Variants in EBF2 observed in about 807,000 individuals in gnomAD.
EBF2 encodes the protein transcription factor COE2.
In EBF2, 21 loss-of-function variants were observed where a neutral mutation model predicts 72.8. The observed-to-expected ratio is 0.29, with a 90% CI of 0.20 to 0.42. EBF2 has a LOEUF of 0.42. Ranked by LOEUF, EBF2 falls within the 10% of genes least tolerant of loss-of-function variation. EBF2 has a pLI of 1.00. For synonymous variants in EBF2, 299 were observed against 274.2 expected (o/e 1.09, Z -0.89); for missense variants, 637 against 731.2 (o/e 0.87, Z 1.49).
At chr8:26,032,231 T>C (rs1805420340) in intron 6 of EBF2, 1 of 152,202 alleles carries the variant, frequency 6.6e-6, no homozygotes, top group Non-Finnish European at 1.5e-5. Context: ...GAAACCAAGC[T>C]GGCTTTCTGG....
At chr8:25,875,156 A>G (rs1224442911) in intron 10 of EBF2, among the ~76,000 whole-genome samples, 1 of 152,218 alleles carries the variant, frequency 6.6e-6, no homozygotes, top group Non-Finnish European at 1.5e-5. Context: ...CACATTTTCC[A>G]GAAGACAGAC....
At chr8:25,908,177 T>A (rs1803070469) in intron 7 of EBF2, among the ~76,000 whole-genome samples, 1 of 152,212 alleles carries the variant, frequency 6.6e-6, no homozygotes, top group South Asian at 2.1e-4. Context: ...AGAACATGGT[T>A]CCTGCTGTGG....
At chr8:25,898,595 C>A (rs1001604267) in intron 7 of EBF2, among the ~76,000 whole-genome samples, 21 of 152,282 alleles carry the variant, frequency 1.4e-4, no homozygotes, top group African/African-American at 4.6e-4. Flanking sequence ...GAACCCATTA[C>A]TTTTCCCAAC....
At chr8:25,859,545 G>A (rs1802171026) in intron 13 of EBF2, among the ~76,000 whole-genome samples, 1 of 152,118 alleles carries the variant, frequency 6.6e-6, no homozygotes, top group Non-Finnish European at 1.5e-5. Flanking sequence ...GAAGGAGTGA[G>A]AAACCACAGC....
At chr8:25,877,799 G>A (rs1184101238) in intron 10 of EBF2, among the ~76,000 whole-genome samples, 2 of 152,094 alleles carry the variant, frequency 1.3e-5, no homozygotes, top group African/African-American at 2.4e-5. Flanking sequence ...ACCCAGTCTC[G>A]TAAGAACCCT....
chr8:25,863,194 CTAAA>C (rs1802241924), intron 10 of EBF2, among the ~76,000 whole-genome samples: 1 of 152,004 alleles, frequency 6.6e-6, no homozygotes, highest in East Asian at 1.9e-4. Context: ...AAATATTCTT[CTAAA>C]TATTTTTCTT....
At chr8:25,871,466 T>A (rs939737289) in intron 10 of EBF2, among the ~76,000 whole-genome samples, 2 of 152,254 alleles carry the variant, frequency 1.3e-5, no homozygotes, top group African/African-American at 4.8e-5. Context: ...ATCTATGTCT[T>A]TCTTTAGTAA....
At chr8:25,919,502 GT>G (rs1382546324) in intron 6 of EBF2, among the ~76,000 whole-genome samples, 1 of 152,114 alleles carries the variant, frequency 6.6e-6, no homozygotes, top group East Asian at 1.9e-4. Context: ...TTTGAAATGT[GT>G]TTAGCTTTCT....
intron 6 of EBF2, among the ~76,000 whole-genome samples, chr8:26,030,464 T>C (rs1031026267): frequency 1.3e-5 from 2 of 151,914 alleles, no homozygotes; most frequent in African/African-American, 4.8e-5. Flanking sequence ...TTAGGAGATA[T>C]ACCTAATGTT....
At chr8:25,868,205 A>C (rs1333115973) in intron 10 of EBF2, among the ~76,000 whole-genome samples, 1 of 152,198 alleles carries the variant, frequency 6.6e-6, no homozygotes, top group Non-Finnish European at 1.5e-5. Flanking sequence ...TGAGTACTAA[A>C]CTGTTAATTG....
intron 5 of EBF2, among the ~76,000 whole-genome samples, chr8:26,037,787 G>A (rs1335795847): frequency 6.6e-6 from 1 of 152,158 alleles, no homozygotes; most frequent in Non-Finnish European, 1.5e-5. Context: ...AAGCAGGGAA[G>A]AGAGGAACAG....
intron 15 of EBF2, among the ~76,000 whole-genome samples, chr8:25,848,398 T>C (rs1394373006): frequency 6.6e-6 from 1 of 151,968 alleles, no homozygotes; most frequent in Non-Finnish European, 1.5e-5. Flanking sequence ...CTGGAGAGGG[T>C]CTTCTGTTTC....
At chr8:25,976,646 C>CAA (rs200233842) in intron 6 of EBF2, among the ~76,000 whole-genome samples, 15 of 151,618 alleles carry the variant, frequency 9.9e-5, no homozygotes, top group Admixed American at 3.9e-4. Context: ...AAAAACAAAA[C>CAA]AAAACAAAAA....
chr8:26,016,690 T>A (rs538229875), intron 6 of EBF2, among the ~76,000 whole-genome samples: 1 of 151,790 alleles, frequency 6.6e-6, no homozygotes, highest in Admixed American at 6.6e-5. Flanking sequence ...GAGAGATGGG[T>A]GGGTAGAACC....
chr8:25,999,741 C>T (rs1804693177), intron 6 of EBF2, among the ~76,000 whole-genome samples: 1 of 151,648 alleles, frequency 6.6e-6, no homozygotes, highest in Admixed American at 6.6e-5. Context: ...CTCTTTCTAT[C>T]GTCGTGTTCA....
intron 6 of EBF2, among the ~76,000 whole-genome samples, chr8:26,023,856 C>A (rs986071328): frequency 3.3e-5 from 5 of 152,058 alleles, no homozygotes; most frequent in Non-Finnish European, 7.4e-5. Flanking sequence ...ACCAGAGTAT[C>A]TGGCAGGGAA....
chr8:25,951,351 CAGCTGGGAGAGCAAAACCA>C (rs1803858392), intron 6 of EBF2, among the ~76,000 whole-genome samples: 1 of 152,100 alleles, frequency 6.6e-6, no homozygotes, highest in East Asian at 1.9e-4. Flanking sequence ...CTGAGATTAC[CAGCTGGGAGAGCAAAACCA>C]AGTCCCACAA....
intron 7 of EBF2, among the ~76,000 whole-genome samples, chr8:25,891,770 G>A (rs956590863): frequency 2.0e-5 from 3 of 151,986 alleles, no homozygotes; most frequent in Non-Finnish European, 4.4e-5. Flanking sequence ...TAGAGACAGG[G>A]TTTCACCATG....
rs898999838 is a variant in EBF2, at chr8:25,886,893, A to C, written c.883-12T>G. The C allele has an allele frequency of 1.2e-6, 2 of 1,610,388 alleles. No individual in the cohort carries two copies. Among genetic ancestry groups the C allele is most frequent in the Non-Finnish European group, 1.7e-6 (2 of 1,178,344 alleles). ...TGAGGGGTTATTAGCTGAGGAATGA[A>C]CAGGCAGGGAAATAAAATACCCATT... On this transcript the variant is annotated splice_polypyrimidine_tract_variant and intron_variant, in intron 9 of 15. Coordinates refer to ENST00000520164, the MANE Select transcript of EBF2 (RefSeq NM_022659.4).
Sources: gnomAD v4.1 joint callset for allele counts (sites outside exome capture counted in the v4.1 genomes callset) on GRCh38, gnomAD v4.1.1 for gene constraint, MANE v1.5 for transcripts, NCBI Gene and HGNC (gene_info 2026-07-23, HGNC 2026-07-21) for gene names.